The following PRDM1 variants were observed in gnomAD, a reference collection of about 807,000 sequenced individuals.
PRDM1 encodes the protein PR domain zinc finger protein 1.
Under a neutral mutation model 62.8 loss-of-function variants are expected in PRDM1, and 13 were observed. The ratio of observed to expected loss-of-function variants is 0.21; its 90% CI spans 0.13 to 0.33. The LOEUF is 0.33. Ranked by LOEUF, PRDM1 falls within the 10% of genes least tolerant of loss-of-function variation. The pLI, the probability that PRDM1 is intolerant of heterozygous loss-of-function variation, is 1.00. For missense variants in PRDM1, 895 were observed against 1,058.8 expected (o/e 0.85, Z 2.15); for synonymous variants, 396 against 417.6 (o/e 0.95, Z 0.63).
rs1405152991 is a variant in PRDM1, at chr6:106,088,277, A to G, written c.119A>G (p.Asp40Gly). The G allele has an allele frequency of 1.2e-6, 2 of 1,614,138 alleles. No individual in the cohort carries two copies. Among genetic ancestry groups the G allele is most frequent in the Non-Finnish European group, 1.7e-6 (2 of 1,180,006 alleles). ...GGGACCAAGGGGACCATGAAAATGG[A>G]CATGGAGGATGCGGATATGACTCTG... Reference protein sequence around the residue: ...AEGTKGTMKMDMEDADMTLWT... With the variant: ...AEGTKGTMKMGMEDADMTLWT... The change falls in exon 2 of 7, where the codon GAC (aspartate) becomes GGC (glycine). Residue 40 changes from aspartate (D) to glycine (G), a missense_variant. Physicochemically the swap from Asp to Gly is moderately conservative, Grantham distance 94 (BLOSUM62 -1). Coordinates refer to ENST00000369096, the MANE Select transcript of PRDM1 (RefSeq NM_001198.4).
chr6:106,103,704 C>G (rs1774344466), intron 4 of PRDM1, among the ~76,000 whole-genome samples: 1 of 152,174 alleles, frequency 6.6e-6, no homozygotes, highest in Non-Finnish European at 1.5e-5. Context: ...CTAGAACTGT[C>G]CTCATTGCTG....
At chr6:106,072,487 A>AG (rs2114602181) in intron 1 of PRDM1, among the ~76,000 whole-genome samples, 2 of 152,344 alleles carry the variant, frequency 1.3e-5, no homozygotes, top group East Asian at 3.9e-4. Context: ...CTGTTATAGA[A>AG]GGGGGAGGAA....
chr6:106,091,259 A>G (rs932955483), intron 2 of PRDM1, among the ~76,000 whole-genome samples: 2 of 152,152 alleles, frequency 1.3e-5, no homozygotes, highest in African/African-American at 4.8e-5. Flanking sequence ...CGTGGCTGAT[A>G]AACATCAGAC....
chr6:105,998,292 C>A (rs959797575), intron 1 of PRDM1, among the ~76,000 whole-genome samples: 2 of 152,034 alleles, frequency 1.3e-5, no homozygotes, highest in African/African-American at 4.8e-5. Context: ...TGGCACGTGT[C>A]TGTAGTCCCA....
intron 1 of PRDM1, among the ~76,000 whole-genome samples, chr6:106,034,225 C>G (rs949100453): frequency 6.6e-6 from 1 of 151,584 alleles, no homozygotes; most frequent in African/African-American, 2.4e-5. Flanking sequence ...TCATTTATTT[C>G]CTTTATTGTT....
intron 1 of PRDM1, among the ~76,000 whole-genome samples, chr6:106,021,293 A>G (rs1315480272): frequency 6.6e-6 from 1 of 151,972 alleles, no homozygotes; most frequent in Non-Finnish European, 1.5e-5. Context: ...CTCCTTCCCT[A>G]CTCTTATTCC....
In PRDM1 at chr6:106,079,752, C is replaced by A. The variant is rs776851238; in HGVS notation, c.-66-8449C>A. ...GGTGAAGGTTGCAGCCAGCCAAGAT[C>A]ATGCCATTGCACTCTAGCCTGGGTG... On this transcript the variant is annotated intron_variant, in intron 1 of 6. Coordinates refer to the PRDM1 transcript ENST00000651185. Among the ~76,000 whole-genome samples the A allele has an allele frequency of 1.3e-3, 197 of 152,340 alleles. 1 individual carries two copies. Among genetic ancestry groups the A allele is most frequent in the Admixed American group, 0.013 (197 of 15,304 alleles).
intron 3 of PRDM1, 22 bp from the exon 4 acceptor site, chr6:106,099,278 G>A (rs1296261847): frequency 1.1e-5 from 18 of 1,613,016 alleles, no homozygotes; most frequent in East Asian, 2.2e-5. Flanking sequence ...CCTTTTACAT[G>A]CCTGTCTTCT....
chr6:106,098,663 T>C, intron 3 of PRDM1: 1 of 1,348,614 alleles, frequency 7.4e-7, no homozygotes, highest in South Asian at 1.2e-5. Context: ...TGCCCGAGTG[T>C]TCGCTTTGTT....
chr6:106,024,858 G>A (rs562557595), intron 1 of PRDM1, among the ~76,000 whole-genome samples: 3 of 152,232 alleles, frequency 2.0e-5, no homozygotes, highest in East Asian at 3.9e-4. Context: ...TAAAATATGT[G>A]TCAGGTAACA....
chr6:106,087,673 G>C (rs892815471), intron 1 of PRDM1: 6 of 232,822 alleles, frequency 2.6e-5, no homozygotes, highest in Non-Finnish European at 4.2e-5. Flanking sequence ...GGGAGCTGGT[G>C]GGAAAGTTCG....
intron 1 of PRDM1, among the ~76,000 whole-genome samples, chr6:106,022,705 G>A (rs564986647): frequency 6.6e-5 from 10 of 152,098 alleles, no homozygotes; most frequent in South Asian, 2.1e-4. Flanking sequence ...GATTACAGGC[G>A]TGAGCCACCC....
In PRDM1 at chr6:106,107,697, T is replaced by TATATA. The variant is rs1554205648; in HGVS notation, c.*213_*214insATAAT. On this transcript the variant is annotated 3_prime_UTR_variant, in exon 7 of 7. Coordinates refer to ENST00000369096, the MANE Select transcript of PRDM1 (RefSeq NM_001198.4). ...AAGGCCATATATATATATATATATATATCTGTATACATATTATATATACTT... is the reference window on the plus strand; with the variant it reads ...AAGGCCATATATATATATATATATATATATAATCTGTATACATATTATATATACTT... 1 of 225,708 alleles carries TATATA rather than the reference T, an allele frequency of 4.4e-6. No homozygotes were observed. Among genetic ancestry groups the TATATA allele is most frequent in the Non-Finnish European group, 8.5e-6 (1 of 117,330 alleles). 14.0% of individuals were successfully genotyped at this position (225,708 alleles called of 1,614,324 possible).
chr6:106,026,433 C>T (rs1342331632), intron 1 of PRDM1, among the ~76,000 whole-genome samples: 3 of 151,982 alleles, frequency 2.0e-5, no homozygotes, highest in African/African-American at 7.2e-5. Flanking sequence ...GAGCCAAGAT[C>T]GTGCCATTGC....
At chr6:106,031,868 G>C (rs1772848292) in intron 1 of PRDM1, among the ~76,000 whole-genome samples, 1 of 152,194 alleles carries the variant, frequency 6.6e-6, no homozygotes, top group South Asian at 2.1e-4. Flanking sequence ...GTTGGAGTGA[G>C]AGTCTGATCT....
chr6:105,994,800 G>T lies in PRDM1; in HGVS notation c.-67+1161G>T, dbSNP rs77736823. 7.0e-3 allele frequency among the ~76,000 whole-genome samples: 1,060 copies of T among 152,296 alleles called. 10 individuals are homozygous for T. The highest frequency in any genetic ancestry group is 0.024 in the African/African-American group (979 of 41,566). The stretch of plus-strand genomic sequence containing the variant: ...GCAGATTCCGCGGCGGGGATGGCTG[G>T]GTGTGCAAACCGAAAACAGTTTGTC... On this transcript the variant is annotated intron_variant, in intron 1 of 6. Coordinates refer to the PRDM1 transcript ENST00000652320. The surrounding 1 kb of genome is among the most constrained non-coding windows in gnomAD (Gnocchi z 4.1).
At chr6:106,034,635 C>CTCTCTT (rs745833853) in intron 1 of PRDM1, among the ~76,000 whole-genome samples, 919 of 88,396 alleles carry the variant, frequency 0.01, 14 homozygotes, top group Non-Finnish European at 0.013. Flanking sequence ...TGTTCTCTCT[C>CTCTCTT]TTTTTTTTTT....
At chr6:106,073,265 C>A (rs1773550875) in intron 1 of PRDM1, among the ~76,000 whole-genome samples, 1 of 152,064 alleles carries the variant, frequency 6.6e-6, no homozygotes, top group East Asian at 1.9e-4. Context: ...CAGGCGCCCA[C>A]TCTCATGCCC....
intron 1 of PRDM1, among the ~76,000 whole-genome samples, chr6:106,034,060 C>T (rs909431525): frequency 1.3e-5 from 2 of 152,060 alleles, no homozygotes; most frequent in African/African-American, 4.8e-5. Flanking sequence ...ATGGTACTCT[C>T]TTTGAATCAT....
Sources: gnomAD v4.1 joint callset for allele counts (sites outside exome capture counted in the v4.1 genomes callset) on GRCh38, gnomAD v4.1.1 for gene constraint, Gnocchi (gnomAD v3.1) non-coding constraint, MANE v1.5 for transcripts, NCBI Gene and HGNC (gene_info 2026-07-23, HGNC 2026-07-21) for gene names.